AGBL1: variants seen among roughly 807,000 people sequenced by gnomAD.
AGBL1 encodes AGBL carboxypeptidase 1.
A neutral mutation model predicts 118.9 loss-of-function variants in AGBL1; 130 were observed. That is an observed-to-expected ratio of 1.09 (90% confidence interval 0.95 to 1.26). AGBL1 has a LOEUF of 1.26. AGBL1 is among the 50% of genes most tolerant of loss of function. The probability of loss-of-function intolerance (pLI) is 0.00; values close to 1 mark genes in which losing one functional copy is unlikely to be tolerated. For synonymous variants in AGBL1, 555 were observed against 478.9 expected, an observed-to-expected ratio of 1.16 and a Z score of -2.08; for missense variants, 1,584 against 1,298.1, an observed-to-expected ratio of 1.22 and a Z score of -3.38.
chr15:86,547,999 G>C (rs2083609252), intron 20 of AGBL1, among the ~76,000 whole-genome samples: 1 of 152,060 alleles, frequency 6.6e-6, no homozygotes, highest in Non-Finnish European at 1.5e-5. Context: ...TCTAAATTAG[G>C]ACATAATGAT....
At chr15:86,852,172 C>A (rs1054898284) in intron 22 of AGBL1, among the ~76,000 whole-genome samples, 2 of 152,098 alleles carry the variant, frequency 1.3e-5, no homozygotes, top group East Asian at 3.9e-4. Flanking sequence ...AGGAAACTTA[C>A]AATCATGGTG....
chr15:86,899,069 C>T (rs997804199), intron 22 of AGBL1, among the ~76,000 whole-genome samples: 12 of 152,144 alleles, frequency 7.9e-5, no homozygotes, highest in Non-Finnish European at 1.8e-4. Flanking sequence ...AATCATTCTA[C>T]CGCAAAGACA....
chr15:86,537,164 G>T (rs929330930), intron 19 of AGBL1, among the ~76,000 whole-genome samples: 2 of 152,162 alleles, frequency 1.3e-5, no homozygotes. Flanking sequence ...ATGGTGATAG[G>T]TCAGTATTCA....
chr15:86,681,142 A>C lies in AGBL1; in HGVS notation c.3158+6706A>C, dbSNP rs191830978. Among the ~76,000 whole-genome samples, 619 of 152,048 alleles carry C rather than the reference A, an allele frequency of 4.1e-3. 4 individuals carry two copies. Among genetic ancestry groups the C allele is most frequent in the African/African-American group, 0.014 (598 of 41,468 alleles). ...CTGTTTTCTCACCTCTGTATCTGTT[A>C]TCTCTTCTTCTTTAATCCTTTTTAC... On this transcript the variant is annotated intron_variant, in intron 22 of 22. Coordinates refer to ENST00000614907, the MANE Select transcript of AGBL1 (RefSeq NM_001386094.1).
Position 86,439,117 on chromosome 15 carries a change from G to A in AGBL1, c.2555+41571G>A, listed in dbSNP as rs180988808. 7.2e-5 allele frequency among the ~76,000 whole-genome samples: 11 copies of A among 152,230 alleles called. No homozygotes were observed. The East Asian group carries it at 1.7e-3, about 24-fold the overall frequency. Reference sequence around the variant, plus strand: ...GTCCCGATGAGGATGTCGTAATGGGGCAGTGTATACAGGGGAGCAGCATCT... The same window carrying A: ...GTCCCGATGAGGATGTCGTAATGGGACAGTGTATACAGGGGAGCAGCATCT... On this transcript the variant is annotated intron_variant, in intron 18 of 22. Coordinates refer to ENST00000614907, the MANE Select transcript of AGBL1 (RefSeq NM_001386094.1).
chr15:87,006,897 G>C (rs1021270826), intron 24 of AGBL1, among the ~76,000 whole-genome samples: 5 of 152,088 alleles, frequency 3.3e-5, no homozygotes, highest in African/African-American at 1.2e-4. Context: ...ATCTGACATG[G>C]GTCCTGTTTC....
At chr15:86,629,677 T>C (rs890761542) in intron 21 of AGBL1, among the ~76,000 whole-genome samples, 4 of 152,234 alleles carry the variant, frequency 2.6e-5, no homozygotes, top group Admixed American at 2.0e-4. Flanking sequence ...ATTTTTATAG[T>C]ACTGGCTTCT....
intron 1 of AGBL1, among the ~76,000 whole-genome samples, chr15:86,083,163 C>G (rs1895401185): frequency 6.6e-6 from 1 of 151,898 alleles, no homozygotes; most frequent in Non-Finnish European, 1.5e-5. Flanking sequence ...ACCTGCCTGG[C>G]TTTTTTCCTG....
intron 23 of AGBL1, among the ~76,000 whole-genome samples, chr15:86,953,400 A>AT (rs61019726): frequency 0.091 from 12,228 of 134,094 alleles, 609 homozygotes; most frequent in East Asian, 0.16. Context: ...CTGTATTTGG[A>AT]TTTTTTTTTT....
chr15:86,948,559 T>C (rs995203090), intron 23 of AGBL1, among the ~76,000 whole-genome samples: 3 of 152,240 alleles, frequency 2.0e-5, no homozygotes, highest in African/African-American at 7.2e-5. Context: ...CCCTTCCTGG[T>C]CACTTTGTAC....
intron 22 of AGBL1, among the ~76,000 whole-genome samples, chr15:86,799,258 A>T (rs2078617542): frequency 1.3e-5 from 2 of 152,154 alleles, no homozygotes; most frequent in South Asian, 4.1e-4. Flanking sequence ...TACATGTGCC[A>T]TGCTGGTGTG....
At chr15:86,611,122 C>T (rs2084648549) in intron 21 of AGBL1, among the ~76,000 whole-genome samples, 1 of 152,104 alleles carries the variant, frequency 6.6e-6, no homozygotes, top group Non-Finnish European at 1.5e-5. Flanking sequence ...CTCTTGGTAG[C>T]TTGCAATTTG....
intron 17 of AGBL1, among the ~76,000 whole-genome samples, chr15:86,363,835 G>T (rs1359836082): frequency 2.0e-5 from 3 of 151,894 alleles, no homozygotes; most frequent in Non-Finnish European, 2.9e-5. Context: ...CCCTCCCCCT[G>T]CCCCACTCAG....
At chr15:86,705,328 T>A (rs2086430671) in intron 22 of AGBL1, among the ~76,000 whole-genome samples, 2 of 152,172 alleles carry the variant, frequency 1.3e-5, no homozygotes, top group Non-Finnish European at 2.9e-5. Context: ...CCCTCTTTTT[T>A]AAATAAATTA....
chr15:86,549,782 A>G (rs972172010), intron 20 of AGBL1, among the ~76,000 whole-genome samples: 1 of 150,874 alleles, frequency 6.6e-6, no homozygotes, highest in Non-Finnish European at 1.5e-5. Flanking sequence ...CCATTACTCA[A>G]TATATATGGA....
chr15:86,651,423 T>G (rs1477116854), intron 21 of AGBL1, among the ~76,000 whole-genome samples: 1 of 152,214 alleles, frequency 6.6e-6, no homozygotes, highest in Non-Finnish European at 1.5e-5. Flanking sequence ...AAAACTTCTC[T>G]CACTGTAGAA....
rs2079855738 is a variant in AGBL1, at chr15:86,879,159, T to G, written c.3159-27928T>G. 3.3e-5 allele frequency among the ~76,000 whole-genome samples: 5 copies of G among 152,214 alleles called. No individual in the cohort carries two copies. In the South Asian group the frequency reaches 1.0e-3, roughly 32 times the overall value. On this transcript the variant is annotated intron_variant, in intron 22 of 22. Coordinates refer to ENST00000614907, the MANE Select transcript of AGBL1 (RefSeq NM_001386094.1). ...CTTCCTTTCTGCACTCTTGCCCCAT[T>G]CATCCTCTCTTTGGCCCTCATCTCT...
intron 17 of AGBL1, among the ~76,000 whole-genome samples, chr15:86,304,022 T>C (rs2079797081): frequency 6.6e-6 from 1 of 152,136 alleles, no homozygotes; most frequent in Non-Finnish European, 1.5e-5. Flanking sequence ...GACTGCCTCT[T>C]TCAGCTGTGC....
intron 24 of AGBL1, among the ~76,000 whole-genome samples, chr15:87,026,318 A>C (rs2081726200): frequency 6.6e-6 from 1 of 152,054 alleles, no homozygotes; most frequent in African/African-American, 2.4e-5. Flanking sequence ...GAAACAAACA[A>C]TCCCATGAAA....
Sources: gnomAD v4.1 joint callset for allele counts (sites outside exome capture counted in the v4.1 genomes callset) on GRCh38, gnomAD v4.1.1 for gene constraint, MANE v1.5 for transcripts, NCBI Gene and HGNC (gene_info 2026-07-23, HGNC 2026-07-21) for gene names.